NBEAL2: variants seen among roughly 807,000 people sequenced by gnomAD.
NBEAL2 encodes neurobeachin-like protein 2.
In NBEAL2, 160 loss-of-function variants were observed where a neutral mutation model predicts 299.8. The observed-to-expected ratio is 0.53, with a 90% CI of 0.47 to 0.61. The LOEUF (loss-of-function observed/expected upper bound fraction) is 0.61. NBEAL2 is among the 20% of genes least tolerant of loss of function. The probability of loss-of-function intolerance (pLI) is 0.00; values close to 1 mark genes in which losing one functional copy is unlikely to be tolerated. For synonymous variants in NBEAL2, 1,493 were observed against 1,542.3 expected (o/e 0.97, Z 0.75); for missense variants, 3,112 against 3,649.0 (o/e 0.85, Z 3.79).
chr3:46,992,809 C>T (rs570350961), intron 10 of NBEAL2, among the ~76,000 whole-genome samples: 2 of 152,246 alleles, frequency 1.3e-5, no homozygotes, highest in East Asian at 3.9e-4. Context: ...ATGGAACCTT[C>T]GAAACTCAGC....
chr3:46,983,903 GT>G (rs1210981628), intron 1 of NBEAL2, among the ~76,000 whole-genome samples: 1 of 152,172 alleles, frequency 6.6e-6, no homozygotes, highest in African/African-American at 2.4e-5. Flanking sequence ...ATTTTCCTTA[GT>G]GATAGTAAAA....
intron 1 of NBEAL2, among the ~76,000 whole-genome samples, chr3:46,987,167 C>G (rs2035725642): frequency 6.6e-6 from 1 of 152,248 alleles, no homozygotes; most frequent in Admixed American, 6.5e-5. Context: ...GCAGTCAGGC[C>G]TCTTGCCCTG....
rs549195124 is a variant in NBEAL2 at position 46,982,215 on chromosome 3, G to A, written c.51+2303G>A. 3.5e-4 allele frequency among the ~76,000 whole-genome samples: 53 copies of A among 152,256 alleles called. 2 individuals are homozygous for A. The highest frequency in any genetic ancestry group is 3.0e-3 in the Admixed American group (46 of 15,294). ...CCTATTGTGTGTGTGCTTGGGGAGGGGGAGTGCAAGGTAAGGGGCAGAGCT... is the reference window on the plus strand; with the variant it reads ...CCTATTGTGTGTGTGCTTGGGGAGGAGGAGTGCAAGGTAAGGGGCAGAGCT... On this transcript the variant is annotated intron_variant, in intron 1 of 53. Coordinates refer to ENST00000450053, the MANE Select transcript of NBEAL2 (RefSeq NM_015175.3). The surrounding 1 kb of genome is among the most constrained non-coding windows in gnomAD (Gnocchi z 4.2).
Position 47,009,311 on chromosome 3 carries a change from G to C in NBEAL2, c.8256G>C (p.Glu2752Asp). ...SSGETEYNPT[E>D]AR ...GAGAGACGGAATACAACCCTACTGA[G>C]GCGCGCTGAACCTGGCCAGTCCGGC... is the stretch of plus-strand genomic sequence containing the variant. Residue 2752 changes from glutamate to aspartate, a missense_variant, in exon 54 of 54, where the codon GAG becomes GAC. By Grantham distance (45) the Glu-to-Asp change is conservative. This residue lies in a region of NBEAL2 where 348 missense variants were observed against 381.4 expected (regional missense o/e 0.91). Coordinates refer to ENST00000450053, the MANE Select transcript of NBEAL2 (RefSeq NM_015175.3). The C allele has an allele frequency of 3.1e-6, 5 of 1,595,254 alleles. No individual in the cohort carries two copies. The highest frequency in any genetic ancestry group is 4.3e-6 in the Non-Finnish European group (5 of 1,172,106).
In NBEAL2 at chr3:46,996,350, C is replaced by T. The variant is rs375744996; in HGVS notation, c.2231C>T (p.Pro744Leu). The change falls in exon 16 of 54, where the codon CCC becomes CTC. Residue 744 changes from proline to leucine, a missense_variant. Physicochemically the swap from Pro to Leu is moderately conservative, Grantham distance 98. Coordinates refer to ENST00000450053, the MANE Select transcript of NBEAL2 (RefSeq NM_015175.3). Reference sequence around the variant, plus strand: ...ACAGGGCTGCCCACACCACCAGTCCCCGCCACCCTGGCCTACACTCACCCC... The same window carrying T: ...ACAGGGCTGCCCACACCACCAGTCCTCGCCACCCTGGCCTACACTCACCCC... The part of the protein sequence containing the change: ...TTTGLPTPPV[P>L]ATLAYTHPAL... 8.6e-4 allele frequency: 1,389 copies of T among 1,612,450 alleles called. 16 individuals carry two copies. In the South Asian group the frequency reaches 0.014, roughly 17 times the overall value.
intron 11 of NBEAL2, 52 bp from the exon 12 acceptor site, chr3:46,994,403 T>G: frequency 6.7e-7 from 1 of 1,491,952 alleles, no homozygotes; most frequent in Non-Finnish European, 9.1e-7. Context: ...GGTCTGAGTT[T>G]GCCCTCCGGC....
chr3:47,007,399 G>A (rs1201704450), intron 47 of NBEAL2, 49 bp downstream of exon 47: 12 of 1,560,624 alleles, frequency 7.7e-6, no homozygotes, highest in South Asian at 4.7e-5. Context: ...CCCTGCACCC[G>A]GAATTATTCC....
Position 47,007,531 on chromosome 3 carries a change from G to C in NBEAL2, c.7341G>C (p.Gln2447His). ...KDPTMGSHKTQRLLSGPWVPG... is the reference protein window; with the variant it reads ...KDPTMGSHKTHRLLSGPWVPG... ...ATCCCCCTCACTGGGTCAGGACGCAGCGACTGCTGAGTGGCCCGTGGGTGC... is the reference window on the plus strand; with the variant it reads ...ATCCCCCTCACTGGGTCAGGACGCACCGACTGCTGAGTGGCCCGTGGGTGC... Residue 2447 changes from glutamine (Q) to histidine (H), a missense_variant, in exon 48 of 54, where the codon CAG becomes CAC. Around this residue, in one of 3 missense-constraint regions of NBEAL2, gnomAD observed 521 missense variants for 729.6 expected, o/e 0.71. Coordinates refer to ENST00000450053, the MANE Select transcript of NBEAL2 (RefSeq NM_015175.3). 1 of 1,611,576 alleles carries C rather than the reference G, an allele frequency of 6.2e-7. No homozygotes were observed. The highest frequency in any genetic ancestry group is 8.5e-7 in the Non-Finnish European group (1 of 1,179,260).
Position 47,006,053 on chromosome 3 carries a change from C to T in NBEAL2, c.6909C>T (p.Cys2303=), listed in dbSNP as rs2037418122. The change falls in exon 43 of 54, where the codon TGC becomes TGT. Residue 2303 remains cysteine, a synonymous_variant. Coordinates refer to ENST00000450053, the MANE Select transcript of NBEAL2 (RefSeq NM_015175.3). ...AGGCCCTCAATGTCTTCTATTACTG[C>T]ACCTATGAGGGTGGGCAGTGCGCTG... ...AEEALNVFYY[C]TYEGAVDLDH... is the part of the protein sequence containing the mutation. 1 of 1,613,704 alleles carries T rather than the reference C, an allele frequency of 6.2e-7. No homozygotes were observed. The highest frequency in any genetic ancestry group is 8.5e-7 in the Non-Finnish European group (1 of 1,179,790).
intron 18 of NBEAL2, 71 bp downstream of exon 18, chr3:46,997,117 TG>T: frequency 6.4e-7 from 1 of 1,559,776 alleles, no homozygotes; most frequent in Middle Eastern, 1.7e-4. Context: ...CGGAGTCAGC[TG>T]GGGAGCAGCG....
Position 46,996,586 on chromosome 3 carries a change from A to T in NBEAL2, c.2467A>T (p.Thr823Ser), listed in dbSNP as rs2036518206. 6.5e-7 allele frequency: 1 copy of T among 1,528,178 alleles called. No homozygotes were observed. The highest frequency in any genetic ancestry group is 8.8e-7 in the Non-Finnish European group (1 of 1,136,052). The allele number at this position is 1,528,178 out of a possible 1,614,324, so 94.7% of individuals were successfully genotyped here. A position where few individuals can be genotyped will look rare whatever the true frequency, so the allele number is the denominator to read the frequency against. Residue 823 changes from threonine to serine, a missense_variant, in exon 16 of 54, where the codon ACC (threonine) becomes TCC (serine). Transcript: ENST00000450053. ...GGCGACGGCTCTGAGGACCCTGTGC[A>T]CCCTGGGTATGCAGCATTCTCCATC... ...LQATALRTLC[T>S]LGPNETAPFK... is the part of the protein sequence containing the mutation.
intron 1 of NBEAL2, among the ~76,000 whole-genome samples, chr3:46,984,150 A>C (rs141465303): frequency 6.8e-6 from 1 of 146,840 alleles, no homozygotes; most frequent in Non-Finnish European, 1.5e-5. Flanking sequence ...AAAAAAAAAA[A>C]AAAAAATTAG....
At chr3:46,998,038 C>T in intron 20 of NBEAL2, 29 bp from the exon 21 acceptor site, 1 of 1,541,982 alleles carries the variant, frequency 6.5e-7, no homozygotes. Flanking sequence ...AGAGCCTGAG[C>T]CCTCACTCCA....
rs1418305924 is a variant in NBEAL2, at chr3:46,988,587, C to T, written c.52-82C>T. On this transcript the variant is annotated intron_variant, in intron 1 of 53. Transcript: ENST00000450053. The surrounding 1 kb of genome is among the most constrained non-coding windows in gnomAD (Gnocchi z 4.4). ...TCTGTCCACCTCCATTCATTCTTCG[C>T]CTCTGTCTACATCCCCTTGTCCCTG... 1 of 1,230,478 alleles carries T rather than the reference C, an allele frequency of 8.1e-7. No individual in the cohort carries two copies. Among genetic ancestry groups the T allele is most frequent in the Non-Finnish European group, 1.2e-6 (1 of 839,678 alleles). 76.2% of individuals were successfully genotyped at this position (1,230,478 alleles called of 1,614,324 possible). A position where few individuals can be genotyped will look rare whatever the true frequency, so the allele number is the denominator to read the frequency against.
rs547329729 is a variant in NBEAL2 at position 46,997,317 on chromosome 3, C to T, written c.2708C>T (p.Ala903Val). 5 of 1,613,052 alleles carry T rather than the reference C, an allele frequency of 3.1e-6. No homozygotes were observed. Among genetic ancestry groups the T allele is most frequent in the Non-Finnish European group, 4.2e-6 (5 of 1,179,852 alleles). Residue 903 changes from alanine (A) to valine (V), a missense_variant, in exon 19 of 54, where the codon GCT becomes GTT. Physicochemically the swap from Ala to Val is moderately conservative, Grantham distance 64. This residue lies in a region of NBEAL2 where 2,243 missense variants were observed against 2,538.1 expected (regional missense o/e 0.88). Coordinates refer to ENST00000450053, the MANE Select transcript of NBEAL2 (RefSeq NM_015175.3). The part of the protein sequence containing the change: ...GALLPLLERV[A>V]AQPKEAEAGP... Reference sequence around the variant, plus strand: ...CTGCTGCCCCTGCTGGAGCGAGTAGCTGCACAGCCCAAAGAGGCTGAAGCA... The same window carrying T: ...CTGCTGCCCCTGCTGGAGCGAGTAGTTGCACAGCCCAAAGAGGCTGAAGCA...
rs140548682 is a variant in NBEAL2 at position 47,003,250 on chromosome 3, A to C, written c.5661A>C (p.Pro1887=). The change falls in exon 35 of 54, where the codon CCA becomes CCC. Residue 1887 remains proline (P), a synonymous_variant. Transcript: ENST00000450053. This position sits in a 1 kb window ranked among gnomAD's most constrained non-coding sequence, Gnocchi z 7.0. The part of the protein sequence containing the change: ...AVTKEAKVST[P]PELLQEDQLG... ...CCAAAGAGGCCAAAGTGAGCACCCC[A>C]CCCGAGTTGCTGCAGGAGGACCAGC... is the stretch of plus-strand genomic sequence containing the variant. 0.019 allele frequency: 31,322 copies of C among 1,612,880 alleles called. 367 individuals carry two copies. The highest frequency in any genetic ancestry group is 0.022 in the Non-Finnish European group (26,423 of 1,179,738).
At chr3:46,981,905 G>A (rs1315284727) in intron 1 of NBEAL2, 2 of 152,278 alleles carry the variant, frequency 1.3e-5, no homozygotes, top group Non-Finnish European at 2.9e-5. Context: ...TATCTGTGCT[G>A]AGCCTCCCCC....
chr3:46,996,265 C>G lies in NBEAL2; in HGVS notation c.2152-6C>G. The G allele has an allele frequency of 3.1e-6, 5 of 1,605,156 alleles. No individual in the cohort carries two copies. Among genetic ancestry groups the G allele is most frequent in the Non-Finnish European group, 4.2e-6 (5 of 1,179,756 alleles). ...CCTGACCGCTCCCCCAACCCCGGCC[C>G]CACAGCCTTTCTCCTCCTGCTGTAT... On this transcript the variant is annotated splice_region_variant and splice_polypyrimidine_tract_variant and intron_variant, in intron 15 of 53. Coordinates refer to ENST00000450053, the MANE Select transcript of NBEAL2 (RefSeq NM_015175.3).
At position 46,989,276 on chromosome 3, in the gene NBEAL2, C is replaced by G. The variant is rs371460227; in HGVS notation, c.368C>G (p.Pro123Arg). 17 of 1,611,166 alleles carry G rather than the reference C, an allele frequency of 1.1e-5. No homozygotes were observed. The African/African-American group carries it at 1.9e-4, about 18-fold the overall frequency. ...CACCTACAGCTGAAAGGATGCCCAC[C>G]ACCCCAGGGCCGAGGCACGCAGTTG... is the stretch of plus-strand genomic sequence containing the variant. ...KLVAELKGCPPPQGRGTQLEN... is the reference protein window; with the variant it reads ...KLVAELKGCPRPQGRGTQLEN... Residue 123 changes from proline (P) to arginine (R), a missense_variant, in exon 5 of 54, where the codon CCA (proline) becomes CGA (arginine). Pro to Arg is a moderately radical substitution (Grantham distance 103). This residue lies in a region of NBEAL2 where 2,243 missense variants were observed against 2,538.1 expected (regional missense o/e 0.88). Transcript: ENST00000450053. This position sits in a 1 kb window ranked among gnomAD's most constrained non-coding sequence, Gnocchi z 5.5.
Sources: gnomAD v4.1 joint callset for allele counts (sites outside exome capture counted in the v4.1 genomes callset) on GRCh38, gnomAD v4.1.1 for gene constraint, gnomAD v4.1.1 regional missense constraint, Gnocchi (gnomAD v3.1) non-coding constraint, MANE v1.5 for transcripts, NCBI Gene and HGNC (gene_info 2026-07-23, HGNC 2026-07-21) for gene names.